CCDC190: variants seen among roughly 807,000 people sequenced by gnomAD.
CCDC190 encodes coiled-coil domain-containing protein 190.
CCDC190 carries 10 observed loss-of-function variants against 13.1 expected under a neutral mutation model. The observed-to-expected ratio is 0.77, with a 90% CI of 0.47 to 1.30. The LOEUF (loss-of-function observed/expected upper bound fraction) is 1.30, where lower values mean the gene tolerates loss of function less well. Among genes scored for constraint, CCDC190 ranks in the 50% most tolerant of loss-of-function variants. CCDC190 has a pLI of 0.00. For missense variants in CCDC190, 375 were observed against 354.3 expected (o/e 1.06, Z -0.47); for synonymous variants, 136 against 127.2 (o/e 1.07, Z -0.47).
rs539492349 is a variant in CCDC190, at chr1:162,853,254, G to A, written c.*1511C>T. 4.4e-6 allele frequency: 4 copies of A among 913,776 alleles called. No individual in the cohort carries two copies. In the African/African-American group the frequency reaches 5.0e-5, roughly 12 times the overall value. The allele number at this position is 913,776 out of a possible 1,614,324, so 56.6% of individuals were successfully genotyped here. A position where few individuals can be genotyped will look rare whatever the true frequency, so the allele number is the denominator to read the frequency against. ...ATGAAAGAGCATGAGCAAGGAAATT[G>A]AGTAGAAGAGAGATCAAATGCTAGT... is the stretch of plus-strand genomic sequence containing the variant. On this transcript the variant is annotated 3_prime_UTR_variant, in exon 4 of 4. Coordinates refer to ENST00000367912, the MANE Select transcript of CCDC190 (RefSeq NM_001394065.1).
rs779154974 is a variant in CCDC190, at chr1:162,855,277, G to C, written c.394C>G (p.Pro132Ala). Residue 132 changes from proline to alanine, a missense_variant, in exon 4 of 4, where the codon CCC becomes GCC. Physicochemically the swap from Pro to Ala is conservative, Grantham distance 27. Transcript: ENST00000367912. ...PPSHDAGLKD[P>A]MKSKKQPLSQ... ...AGTGGCTGCTTTTTGCTCTTCATGG[G>C]GTCTTTGAGGCCAGCATCATGTGAA... 13 of 1,613,748 alleles carry C rather than the reference G, an allele frequency of 8.1e-6. No homozygotes were observed. In the Admixed American group the frequency reaches 1.8e-4, roughly 23 times the overall value.
At chr1:162,858,290 G>T (rs1214374946) in intron 2 of CCDC190, among the ~76,000 whole-genome samples, 1 of 152,146 alleles carries the variant, frequency 6.6e-6, no homozygotes, top group Non-Finnish European at 1.5e-5. Context: ...CTAGGGCCTG[G>T]CCTTTTGTAC....
rs1244993059 is a variant in CCDC190 at position 162,854,404 on chromosome 1, T to A, written c.*361A>T. On this transcript the variant is annotated 3_prime_UTR_variant, in exon 4 of 4. Transcript: ENST00000367912. ...ATCAAACTAAAACAGAGAGAATAGC[T>A]ATGCCGTTTTGCCAGCAGGTGGCAC... 3 of 1,045,446 alleles carry A rather than the reference T, an allele frequency of 2.9e-6. No homozygotes were observed. Among genetic ancestry groups the A allele is most frequent in the Non-Finnish European group, 3.5e-6 (3 of 866,978 alleles). The allele number at this position is 1,045,446 out of a possible 1,614,324, so 64.8% of individuals were successfully genotyped here. A position where few individuals can be genotyped will look rare whatever the true frequency, so the allele number is the denominator to read the frequency against.
intron 3 of CCDC190, 85 bp from the exon 4 acceptor site, chr1:162,855,444 C>T (rs1348015923): frequency 6.7e-7 from 1 of 1,485,158 alleles, no homozygotes; most frequent in Non-Finnish European, 9.0e-7. Context: ...GATGTGGCCC[C>T]CTTCAGTATC....
upstream of CCDC190, among the ~76,000 whole-genome samples, chr1:162,864,971 C>G (rs1650647888): frequency 6.6e-6 from 1 of 151,904 alleles, no homozygotes. Flanking sequence ...AATAAAGTAA[C>G]AAGGCCACAC....
Position 162,854,885 on chromosome 1 carries a change from G to T in CCDC190, c.786C>A (p.Val262=), listed in dbSNP as rs370149150. The T allele has an allele frequency of 1.2e-4, 201 of 1,614,020 alleles. No individual in the cohort carries two copies. Among genetic ancestry groups the T allele is most frequent in the African/African-American group, 1.2e-3 (91 of 75,058 alleles). ...ARNAHYLRHR[V]PPESERLLSI... ...TAAGCAACCTCTCAGACTCAGGGGG[G>T]ACCCTGTGCCGGAGATAATGGGCAT... Residue 262 remains valine, a synonymous_variant, in exon 4 of 4, where the codon GTC becomes GTA. Coordinates refer to ENST00000367912, the MANE Select transcript of CCDC190 (RefSeq NM_001394065.1).
chr1:162,867,258 A>G (rs1650739543), intron 1 of CCDC190, among the ~76,000 whole-genome samples: 1 of 152,182 alleles, frequency 6.6e-6, no homozygotes, highest in Non-Finnish European at 1.5e-5. Flanking sequence ...CATTAAGGAC[A>G]CAAATAACTC....
At chr1:162,857,271 G>A (rs905540847) in intron 2 of CCDC190, among the ~76,000 whole-genome samples, 1 of 152,174 alleles carries the variant, frequency 6.6e-6, no homozygotes, top group South Asian at 2.1e-4. Flanking sequence ...ATTCTATCAG[G>A]TCTACTCTGA....
At chr1:162,858,374 A>G (rs1399740685) in intron 2 of CCDC190, among the ~76,000 whole-genome samples, 1 of 152,236 alleles carries the variant, frequency 6.6e-6, no homozygotes, top group African/African-American at 2.4e-5. Flanking sequence ...AATGGCTTCT[A>G]AGACCCTTTT....
At chr1:162,868,418 A>T (rs79808281) in intron 1 of CCDC190, among the ~76,000 whole-genome samples, 1 of 25,308 alleles carries the variant, frequency 4.0e-5, no homozygotes. Context: ...ACTTTCATAG[A>T]TTAAGATTCA....
chr1:162,853,079 G>A lies in CCDC190; in HGVS notation c.*1686C>T, dbSNP rs1330476518. The A allele has an allele frequency of 6.5e-7, 1 of 1,530,810 alleles. No individual in the cohort carries two copies. The highest frequency in any genetic ancestry group is 8.9e-7 in the Non-Finnish European group (1 of 1,129,102). The allele number at this position is 1,530,810 out of a possible 1,614,324, so 94.8% of individuals were successfully genotyped here. On this transcript the variant is annotated 3_prime_UTR_variant, in exon 4 of 4. Transcript: ENST00000367912. ...GCCTTCCTCTGTTGCTTTGCTTCAT[G>A]GAAGAAAGTGTTGGAGGAAGCAGAT...
intron 2 of CCDC190, among the ~76,000 whole-genome samples, chr1:162,859,183 C>T (rs974367788): frequency 2.6e-5 from 4 of 152,112 alleles, no homozygotes; most frequent in East Asian, 1.9e-4. Flanking sequence ...AAGTAGAAAA[C>T]GAAGGATTTA....
rs1650171450 is a variant in CCDC190, at chr1:162,853,138, C to T, written c.*1627G>A. On this transcript the variant is annotated 3_prime_UTR_variant, in exon 4 of 4. Coordinates refer to ENST00000367912, the MANE Select transcript of CCDC190 (RefSeq NM_001394065.1). ...TTCCTTTCACTATAAAGTATTGTCT[C>T]CCCATTGAAGGCCAGAGGCTGGGCT... 4.5e-6 allele frequency: 7 copies of T among 1,549,324 alleles called. No homozygotes were observed. In the East Asian group the frequency reaches 1.2e-4, roughly 27 times the overall value.
upstream of CCDC190, among the ~76,000 whole-genome samples, chr1:162,864,013 T>TTA (rs773894978): frequency 2.9e-5 from 1 of 34,366 alleles, no homozygotes; most frequent in African/African-American, 6.5e-5. Flanking sequence ...AGACTCCATC[T>TTA]CAAAAAAAAA....
rs1489441863 is a variant in CCDC190 at position 162,859,092 on chromosome 1, G to GA, written c.187+367dup. ...ATAAATTGTTGTTAGATCCAAAAGA[G>GA]AAAGATCAGATATTTAAAAAGGGGT... On this transcript the variant is annotated intron_variant, in intron 2 of 3. Coordinates refer to ENST00000367912, the MANE Select transcript of CCDC190 (RefSeq NM_001394065.1). 1.3e-5 allele frequency among the ~76,000 whole-genome samples: 2 copies of GA among 152,180 alleles called. 1 individual carries two copies. Among genetic ancestry groups the GA allele is most frequent in the East Asian group, 3.9e-4 (2 of 5,184 alleles).
rs1558109371 is a variant in CCDC190 at position 162,853,034 on chromosome 1, A to G, written c.*1731T>C. The G allele has an allele frequency of 3.2e-6, 4 of 1,256,848 alleles. No homozygotes were observed. Among genetic ancestry groups the G allele is most frequent in the Non-Finnish European group, 4.5e-6 (4 of 881,452 alleles). The allele number at this position is 1,256,848 out of a possible 1,614,324, so 77.9% of individuals were successfully genotyped here. Reference sequence around the variant, plus strand: ...TAAATTAAGTTTTTGTGAATCAATCAGTTCTGTCACTTATGGCCTGCCTTC... The same window carrying G: ...TAAATTAAGTTTTTGTGAATCAATCGGTTCTGTCACTTATGGCCTGCCTTC... On this transcript the variant is annotated 3_prime_UTR_variant, in exon 4 of 4. Transcript: ENST00000367912.
upstream of CCDC190, among the ~76,000 whole-genome samples, chr1:162,862,451 T>G (rs559098682): frequency 1.6e-4 from 25 of 152,090 alleles, no homozygotes; most frequent in Non-Finnish European, 2.9e-4. Context: ...TTATATGAGG[T>G]GGCGGAAACC....
In CCDC190 at chr1:162,854,488, C is replaced by T. The variant is rs1395319344; in HGVS notation, c.*277G>A. 2 of 1,145,458 alleles carry T rather than the reference C, an allele frequency of 1.7e-6. No homozygotes were observed. Among genetic ancestry groups the T allele is most frequent in the Non-Finnish European group, 2.1e-6 (2 of 931,306 alleles). 71.0% of individuals were successfully genotyped at this position (1,145,458 alleles called of 1,614,324 possible). On this transcript the variant is annotated 3_prime_UTR_variant, in exon 4 of 4. Coordinates refer to ENST00000367912, the MANE Select transcript of CCDC190 (RefSeq NM_001394065.1). ...TGAAAGCAAGACTGTTACTGTTTTC[C>T]CAAGTCCAGTCATCAATATATATTC... is the stretch of plus-strand genomic sequence containing the variant.
At chr1:162,863,977 C>T (rs1016837986), upstream of CCDC190, among the ~76,000 whole-genome samples, 1 of 146,514 alleles carries the variant, frequency 6.8e-6, no homozygotes, top group African/African-American at 2.5e-5. Flanking sequence ...TGAGATCACG[C>T]CATTGCACTC....
Sources: allele counts gnomAD v4.1 joint callset (sites outside exome capture counted in the v4.1 genomes callset), GRCh38; gene constraint gnomAD v4.1.1; transcripts MANE v1.5; gene names NCBI Gene and HGNC (gene_info 2026-07-23, HGNC 2026-07-21).